The following STK24 variants were observed in gnomAD, a reference collection of about 807,000 sequenced individuals.
STK24 encodes the protein serine/threonine-protein kinase 24.
A neutral mutation model predicts 55.6 loss-of-function variants in STK24; 21 were observed. The observed-to-expected ratio is 0.38, with a 90% confidence interval of 0.27 to 0.54. The LOEUF (loss-of-function observed/expected upper bound fraction) is 0.54, where lower values mean the gene tolerates loss of function less well. Ranked by LOEUF, STK24 falls within the 20% of genes least tolerant of loss-of-function variation. STK24 has a pLI of 0.79. For synonymous variants in STK24, 200 were observed against 215.2 expected (o/e 0.93, Z 0.62); for missense variants, 383 against 538.4 (o/e 0.71, Z 2.86).
intron 2 of STK24, among the ~76,000 whole-genome samples, chr13:98,497,508 GAA>G (rs1276503685): frequency 1.3e-5 from 2 of 152,194 alleles, no homozygotes; most frequent in East Asian, 1.9e-4. Context: ...AGGACGCCAT[GAA>G]AGAGAGGTCA....
chr13:98,510,458 C>G (rs1594625227), intron 2 of STK24, among the ~76,000 whole-genome samples: 1 of 152,188 alleles, frequency 6.6e-6, no homozygotes, highest in Non-Finnish European at 1.5e-5. Flanking sequence ...GAAAACATAT[C>G]CACACAAAAA....
intron 1 of STK24, among the ~76,000 whole-genome samples, chr13:98,571,112 C>T (rs1231053906): frequency 6.6e-6 from 1 of 152,184 alleles, no homozygotes; most frequent in Admixed American, 6.5e-5. Context: ...GGGCCCGTTT[C>T]TCAGGAGACC....
chr13:98,524,849 C>T (rs559335333), intron 1 of STK24, among the ~76,000 whole-genome samples: 65 of 152,312 alleles, frequency 4.3e-4, no homozygotes, highest in African/African-American at 1.5e-3. Flanking sequence ...ACTATTGTCC[C>T]AAAAGACGTT....
At chr13:98,551,732 C>G (rs547477330) in intron 1 of STK24, among the ~76,000 whole-genome samples, 5 of 152,300 alleles carry the variant, frequency 3.3e-5, no homozygotes, top group Admixed American at 3.3e-4. Flanking sequence ...AGCCTGGACT[C>G]CAATGCTTGC....
At chr13:98,478,116 T>A (rs986360959) in intron 3 of STK24, among the ~76,000 whole-genome samples, 3 of 152,238 alleles carry the variant, frequency 2.0e-5, no homozygotes, top group African/African-American at 7.2e-5. Flanking sequence ...GAGTGCCTCA[T>A]GAGCAGCTCG....
intron 2 of STK24, among the ~76,000 whole-genome samples, chr13:98,499,071 T>C (rs1223068778): frequency 1.3e-5 from 2 of 152,060 alleles, no homozygotes; most frequent in African/African-American, 4.8e-5. Flanking sequence ...ACATGGCGAA[T>C]CCCTGTCTTT....
chr13:98,494,795 A>G (rs1895183728), intron 2 of STK24, among the ~76,000 whole-genome samples: 2 of 152,204 alleles, frequency 1.3e-5, no homozygotes, highest in Non-Finnish European at 2.9e-5. Context: ...TGAAACAGTC[A>G]CACTGCACTA....
At chr13:98,475,528 C>T in intron 3 of STK24, among the ~76,000 whole-genome samples, 170 bp from the exon 4 acceptor site, 1 of 152,118 alleles carries the variant, frequency 6.6e-6, no homozygotes, top group Middle Eastern at 3.2e-3. Flanking sequence ...CTGAGGGACC[C>T]TTAAAAAAAC....
intron 1 of STK24, among the ~76,000 whole-genome samples, chr13:98,541,509 T>C (rs1896889372): frequency 1.3e-5 from 2 of 152,232 alleles, no homozygotes; most frequent in Non-Finnish European, 2.9e-5. Context: ...GATGTCAGCA[T>C]CAGAGCCAGA....
chr13:98,485,519 C>A (rs1343133662), intron 2 of STK24, among the ~76,000 whole-genome samples: 1 of 152,192 alleles, frequency 6.6e-6, no homozygotes, highest in South Asian at 2.1e-4. Context: ...AATCTTGTAG[C>A]CCCAAGCTGC....
chr13:98,512,997 C>G (rs201275411), intron 2 of STK24, among the ~76,000 whole-genome samples: 1 of 152,224 alleles, frequency 6.6e-6, no homozygotes, highest in African/African-American at 2.4e-5. Context: ...GCTTCTGCAG[C>G]CCATCGGGGT....
intron 2 of STK24, among the ~76,000 whole-genome samples, chr13:98,503,058 A>T (rs1476558431): frequency 9.1e-6 from 1 of 109,592 alleles, no homozygotes; most frequent in Non-Finnish European, 1.8e-5. Flanking sequence ...GGTACAACTG[A>T]CCACCAACCA....
At chr13:98,461,485 C>G (rs1893702029) in intron 8 of STK24, among the ~76,000 whole-genome samples, 2 of 152,206 alleles carry the variant, frequency 1.3e-5, no homozygotes, top group African/African-American at 4.8e-5. Flanking sequence ...TCACGGGTCA[C>G]CCCCAAACCC....
At chr13:98,519,604 C>G in intron 1 of STK24, 131 bp from the exon 2 acceptor site, 2 of 753,072 alleles carry the variant, frequency 2.7e-6, no homozygotes, top group Non-Finnish European at 4.4e-6. Context: ...TGTCCAGCAT[C>G]AGGCTGGTGG....
At chr13:98,485,614 G>C (rs914978132) in intron 2 of STK24, among the ~76,000 whole-genome samples, 3 of 152,244 alleles carry the variant, frequency 2.0e-5, no homozygotes, top group African/African-American at 7.2e-5. Flanking sequence ...AAGGAGGTCT[G>C]CTTTGGCAAA....
chr13:98,566,859 C>A (rs936741573), intron 1 of STK24, among the ~76,000 whole-genome samples: 6 of 152,228 alleles, frequency 3.9e-5, no homozygotes, highest in Non-Finnish European at 7.3e-5. Context: ...ATCCATCACA[C>A]ATACCACAGG....
At chr13:98,499,734 G>C (rs1424081732) in intron 2 of STK24, among the ~76,000 whole-genome samples, 1 of 152,150 alleles carries the variant, frequency 6.6e-6, no homozygotes, top group Non-Finnish European at 1.5e-5. Flanking sequence ...TGGAAGCCCT[G>C]ATCAGCAAAG....
chr13:98,518,082 T>C (rs983576611), intron 2 of STK24, among the ~76,000 whole-genome samples: 3 of 152,216 alleles, frequency 2.0e-5, no homozygotes, highest in African/African-American at 7.2e-5. Flanking sequence ...ATTCAAGTCC[T>C]GTGACACCTG....
At chr13:98,499,177 G>C (rs946032983) in intron 2 of STK24, among the ~76,000 whole-genome samples, 1 of 152,034 alleles carries the variant, frequency 6.6e-6, no homozygotes, top group African/African-American at 2.4e-5. Flanking sequence ...GGCGGACGTT[G>C]CAGGGAGCCG....
Sources: gnomAD v4.1 joint callset for allele counts (sites outside exome capture counted in the v4.1 genomes callset) on GRCh38, gnomAD v4.1.1 for gene constraint, MANE v1.5 for transcripts, NCBI Gene and HGNC (gene_info 2026-07-23, HGNC 2026-07-21) for gene names.